SLC17A8: variants seen among roughly 807,000 people sequenced by gnomAD.
SLC17A8 encodes vesicular glutamate transporter 3.
SLC17A8 carries 31 observed loss-of-function variants against 58.0 expected under a neutral mutation model. The ratio of observed to expected loss-of-function variants is 0.53; its 90% CI spans 0.40 to 0.72. SLC17A8 has a LOEUF of 0.72. Ranked by LOEUF, SLC17A8 falls within the 30% of genes least tolerant of loss-of-function variation. The pLI, the probability that SLC17A8 is intolerant of heterozygous loss-of-function variation, is 0.00. For synonymous variants in SLC17A8, 228 were observed against 249.0 expected (o/e 0.92, Z 0.79); for missense variants, 655 against 727.8 (o/e 0.90, Z 1.15).
intron 9 of SLC17A8, among the ~76,000 whole-genome samples, chr12:100,407,730 C>T (rs1952836879): frequency 1.3e-5 from 2 of 152,096 alleles, no homozygotes; most frequent in Middle Eastern, 3.4e-3. Flanking sequence ...CTCAGCCTCC[C>T]GAGTAGCTGG....
At chr12:100,366,983 C>T (rs1463004241) in intron 1 of SLC17A8, among the ~76,000 whole-genome samples, 1 of 152,146 alleles carries the variant, frequency 6.6e-6, no homozygotes, top group East Asian at 1.9e-4. Flanking sequence ...TGAGCCTCAG[C>T]CAGAAGAGGA....
intron 6 of SLC17A8, 87 bp downstream of exon 6, chr12:100,401,950 C>A: frequency 5.0e-6 from 5 of 994,776 alleles, no homozygotes; most frequent in Non-Finnish European, 6.5e-6. Flanking sequence ...TTCATTACAT[C>A]AAAATAGAGA....
At chr12:100,399,305 C>T (rs939527680) in intron 5 of SLC17A8, among the ~76,000 whole-genome samples, 9 of 151,978 alleles carry the variant, frequency 5.9e-5, no homozygotes, top group Non-Finnish European at 1.3e-4. Context: ...GGGCTGAGTG[C>T]CCTGTTGTTT....
chr12:100,363,732 G>T (rs1952499857), intron 1 of SLC17A8, among the ~76,000 whole-genome samples: 10 of 152,062 alleles, frequency 6.6e-5, no homozygotes, highest in Admixed American at 6.6e-4. Context: ...TGATGTCGCA[G>T]CTGCATCTTT....
intron 10 of SLC17A8, among the ~76,000 whole-genome samples, chr12:100,415,614 G>A (rs967525329): frequency 6.6e-6 from 1 of 151,684 alleles, no homozygotes; most frequent in African/African-American, 2.4e-5. Flanking sequence ...ATATTTTTTC[G>A]AGACAGGGTC....
intron 1 of SLC17A8, 134 bp downstream of exon 1, chr12:100,357,626 C>G (rs1437729961): frequency 4.3e-6 from 3 of 697,222 alleles, no homozygotes; most frequent in Non-Finnish European, 5.2e-6. Context: ...CTTCTGGAGC[C>G]CCTTCTAGCT....
rs1398149773 is a variant in SLC17A8, at chr12:100,420,664, A to G, written c.*505A>G. ...CATTTCTTATCCCCATTTTACAACC[A>G]AGGCATCTAAAGCAACAAGAAATGA... is the stretch of plus-strand genomic sequence containing the variant. On this transcript the variant is annotated 3_prime_UTR_variant, in exon 12 of 12. Transcript: ENST00000323346. 6.2e-6 allele frequency: 1 copy of G among 161,848 alleles called. No individual in the cohort carries two copies. The highest frequency in any genetic ancestry group is 1.4e-5 in the Non-Finnish European group (1 of 72,952). The allele number at this position is 161,848 out of a possible 1,614,324, so 10.0% of individuals were successfully genotyped here. A position where few individuals can be genotyped will look rare whatever the true frequency, so the allele number is the denominator to read the frequency against.
chr12:100,421,856 C>A lies in SLC17A8; in HGVS notation c.*1697C>A, dbSNP rs1025191427. ...CTTTAAATCTCTTTAATGAGTGAAT[C>A]CATGCAAGCCCCATAAAACAGTTCC... On this transcript the variant is annotated 3_prime_UTR_variant, in exon 12 of 12. Coordinates refer to ENST00000323346, the MANE Select transcript of SLC17A8 (RefSeq NM_139319.3). 1 of 151,870 alleles carries A rather than the reference C, an allele frequency of 6.6e-6. No homozygotes were observed. The highest frequency in any genetic ancestry group is 6.6e-5 in the Admixed American group (1 of 15,240). The allele number at this position is 151,870 out of a possible 1,614,324, so 9.4% of individuals were successfully genotyped here. A position where few individuals can be genotyped will look rare whatever the true frequency, so the allele number is the denominator to read the frequency against.
intron 9 of SLC17A8, chr12:100,404,480 T>C: frequency 2.8e-6 from 1 of 360,852 alleles, no homozygotes; most frequent in Non-Finnish European, 5.3e-6. Flanking sequence ...CCTCCTAGCC[T>C]ATGCTTGTGC....
chr12:100,412,781 G>C lies in SLC17A8; in HGVS notation c.1198G>C (p.Glu400Gln), dbSNP rs755703138. ...GTTTCCATTTGCAGGTTTTGGCATG[G>C]AGGCAACCTTACTCCTGGTGGTTGG... The part of the protein sequence containing the change: ...KIMNCGGFGM[E>Q]ATLLLVVGFS... Residue 400 changes from glutamate (E) to glutamine (Q), a missense_variant, in exon 10 of 12, where the codon GAG (glutamate) becomes CAG (glutamine). Physicochemically the swap from Glu to Gln is conservative, Grantham distance 29 (BLOSUM62 2). Coordinates refer to ENST00000323346, the MANE Select transcript of SLC17A8 (RefSeq NM_139319.3). The C allele has an allele frequency of 2.5e-6, 4 of 1,613,794 alleles. No individual in the cohort carries two copies. In the East Asian group the frequency reaches 8.9e-5, roughly 36 times the overall value.
At position 100,391,128 on chromosome 12, in the gene SLC17A8, A is replaced by C. The variant is rs765066142; in HGVS notation, c.473+9A>C. 2 of 1,536,738 alleles carry C rather than the reference A, an allele frequency of 1.3e-6. No individual in the cohort carries two copies. Among genetic ancestry groups the C allele is most frequent in the Admixed American group, 1.7e-5 (1 of 59,896 alleles). On this transcript the variant is annotated intron_variant, in intron 3 of 11. Transcript: ENST00000323346. ...AAGTTTGCTGCTAACAGGTAAGATAAATTGATATAACATGATACAAACCAA... is the reference window on the plus strand; with the variant it reads ...AAGTTTGCTGCTAACAGGTAAGATACATTGATATAACATGATACAAACCAA...
At chr12:100,397,575 A>C (rs1042491632) in intron 5 of SLC17A8, among the ~76,000 whole-genome samples, 6 of 152,154 alleles carry the variant, frequency 3.9e-5, no homozygotes, top group African/African-American at 1.4e-4. Context: ...TCAACAACAG[A>C]ACAACAACAG....
chr12:100,377,414 G>A (rs1952601747), intron 1 of SLC17A8, among the ~76,000 whole-genome samples: 1 of 151,676 alleles, frequency 6.6e-6, no homozygotes, highest in African/African-American at 2.4e-5. Flanking sequence ...ATAATTCCTA[G>A]CTTACAGATG....
In SLC17A8 at chr12:100,420,021, G is replaced by A; in HGVS notation, c.1632G>A (p.Lys544=). ...LNHESFASPK[K]KMSYGATSQN... Reference sequence around the variant, plus strand: ...ATGAGAGTTTTGCGAGTCCCAAAAAGAAGATGTCTTATGGAGCCACCTCCC... The same window carrying A: ...ATGAGAGTTTTGCGAGTCCCAAAAAAAAGATGTCTTATGGAGCCACCTCCC... The change falls in exon 12 of 12, where the codon AAG becomes AAA. Residue 544 remains lysine (K), a synonymous_variant. Coordinates refer to ENST00000323346, the MANE Select transcript of SLC17A8 (RefSeq NM_139319.3). The A allele has an allele frequency of 1.2e-6, 2 of 1,613,808 alleles. No homozygotes were observed. The highest frequency in any genetic ancestry group is 1.7e-6 in the Non-Finnish European group (2 of 1,179,958).
chr12:100,410,780 G>C (rs1952862143), intron 9 of SLC17A8: 1 of 152,222 alleles, frequency 6.6e-6, no homozygotes. Flanking sequence ...TGTTTCCGAG[G>C]CCAAACCTGC....
chr12:100,361,631 G>C (rs1268442236), intron 1 of SLC17A8, among the ~76,000 whole-genome samples: 1 of 152,112 alleles, frequency 6.6e-6, no homozygotes, highest in Non-Finnish European at 1.5e-5. Flanking sequence ...GATTTAATGA[G>C]CTCTTCCTGA....
At chr12:100,386,766 G>A (rs2135991327) in intron 2 of SLC17A8, among the ~76,000 whole-genome samples, 1 of 149,186 alleles carries the variant, frequency 6.7e-6, no homozygotes, top group Non-Finnish European at 1.5e-5. Context: ...TTGGCTCACT[G>A]CAACTTCCGC....
intron 9 of SLC17A8, among the ~76,000 whole-genome samples, chr12:100,408,009 T>C (rs959826392): frequency 6.6e-6 from 1 of 152,180 alleles, no homozygotes; most frequent in African/African-American, 2.4e-5. Context: ...AATACAGAGA[T>C]GCTAGAGCAG....
At chr12:100,381,998 C>T (rs1190876032) in intron 2 of SLC17A8, among the ~76,000 whole-genome samples, 1 of 152,176 alleles carries the variant, frequency 6.6e-6, no homozygotes, top group Non-Finnish European at 1.5e-5. Flanking sequence ...TGCCTACATT[C>T]ATAATGGCAG....
Sources: allele counts gnomAD v4.1 joint callset (sites outside exome capture counted in the v4.1 genomes callset), GRCh38; gene constraint gnomAD v4.1.1; transcripts MANE v1.5; gene names NCBI Gene and HGNC (gene_info 2026-07-23, HGNC 2026-07-21).